RAD51D: variants seen among roughly 807,000 people sequenced by gnomAD.
RAD51D encodes the protein DNA repair protein RAD51 homolog 4.
Under a neutral mutation model 44.1 loss-of-function variants are expected in RAD51D, and 38 were observed. The ratio of observed to expected loss-of-function variants is 0.86; its 90% CI spans 0.67 to 1.13. The LOEUF (loss-of-function observed/expected upper bound fraction) is 1.13, where lower values mean the gene tolerates loss of function less well. Among genes scored for constraint, RAD51D ranks in the 50% most tolerant of loss-of-function variants. RAD51D has a pLI of 0.00. For missense variants in RAD51D, 390 were observed against 414.0 expected, an observed-to-expected ratio of 0.94 and a Z score of 0.50; for synonymous variants, 141 against 166.6, an observed-to-expected ratio of 0.85 and a Z score of 1.18.
rs1429318144 is a variant in RAD51D at position 35,100,755 on chromosome 17, C to T, written c.*198G>A. ...GCACCAGTATGAATTTCTGGGTCCT[C>T]GCAATGCAGCATCCTCTTTCGCCTG... On this transcript the variant is annotated 3_prime_UTR_variant, in exon 10 of 10. Transcript: ENST00000345365. 5.8e-6 allele frequency: 4 copies of T among 688,420 alleles called. No homozygotes were observed. Among genetic ancestry groups the T allele is most frequent in the Non-Finnish European group, 5.3e-6 (2 of 376,786 alleles). 42.6% of individuals were successfully genotyped at this position (688,420 alleles called of 1,614,324 possible).
chr17:35,107,482 G>A (rs1372233559), intron 3 of RAD51D, 35 bp from the exon 4 acceptor site: 1 of 1,471,584 alleles, frequency 6.8e-7, no homozygotes, highest in East Asian at 2.3e-5. Flanking sequence ...AACACAAGAG[G>A]TTAGGAGGAA....
chr17:35,096,140 T>C lies in RAD51D; in HGVS notation c.*4813A>G, dbSNP rs1356139881. 6.6e-6 allele frequency: 1 copy of C among 152,220 alleles called. No individual in the cohort carries two copies. The highest frequency in any genetic ancestry group is 1.5e-5 in the Non-Finnish European group (1 of 68,046). The allele number at this position is 152,220 out of a possible 1,614,324, so 9.4% of individuals were successfully genotyped here. A position where few individuals can be genotyped will look rare whatever the true frequency, so the allele number is the denominator to read the frequency against. On this transcript the variant is annotated 3_prime_UTR_variant, in exon 10 of 10. Coordinates refer to ENST00000345365, the MANE Select transcript of RAD51D (RefSeq NM_002878.4). ...TCTAGAATTGCAAATAAAAGTCAAT[T>C]ACAATCTGCAAAACTATATTTGCTT... is the stretch of plus-strand genomic sequence containing the variant.
intron 1 of RAD51D, 28 bp downstream of exon 1, chr17:35,119,504 G>C: frequency 1.2e-6 from 2 of 1,607,710 alleles, no homozygotes; most frequent in Non-Finnish European, 1.7e-6. Context: ...GGCCCGCGCG[G>C]CTCCCTGGCA....
chr17:35,108,088 C>T (rs139801422), intron 3 of RAD51D, among the ~76,000 whole-genome samples: 9 of 151,418 alleles, frequency 5.9e-5, no homozygotes, highest in East Asian at 5.9e-4. Flanking sequence ...CAAAATTTGT[C>T]GCTTTTTTTA....
At chr17:35,118,915 G>T (rs969019221) in intron 2 of RAD51D, among the ~76,000 whole-genome samples, 196 bp downstream of exon 2, 12 of 152,192 alleles carry the variant, frequency 7.9e-5, no homozygotes, top group Non-Finnish European at 1.6e-4. Context: ...GCTAATTTTT[G>T]TATTTTTAGT....
intron 3 of RAD51D, among the ~76,000 whole-genome samples, chr17:35,112,462 G>C (rs1278091756): frequency 6.6e-6 from 1 of 151,556 alleles, no homozygotes; most frequent in Non-Finnish European, 1.5e-5. Context: ...ACTGTAACCT[G>C]CATCTCCCAG....
chr17:35,115,762 C>T (rs1027901725), intron 3 of RAD51D, among the ~76,000 whole-genome samples: 4 of 151,646 alleles, frequency 2.6e-5, no homozygotes, highest in African/African-American at 7.3e-5. Context: ...CCCAGCTACT[C>T]GGGAGGCTGA....
At position 35,098,585 on chromosome 17, in the gene RAD51D, T is replaced by C. The variant is rs2091503355; in HGVS notation, c.*2368A>G. The C allele has an allele frequency of 6.6e-6, 1 of 152,142 alleles. No individual in the cohort carries two copies. Among genetic ancestry groups the C allele is most frequent in the Non-Finnish European group, 1.5e-5 (1 of 68,074 alleles). 9.4% of individuals were successfully genotyped at this position (152,142 alleles called of 1,614,324 possible). On this transcript the variant is annotated 3_prime_UTR_variant, in exon 10 of 10. Coordinates refer to ENST00000345365, the MANE Select transcript of RAD51D (RefSeq NM_002878.4). ...CATGCCTGGCTAATTTTTGTATTTT[T>C]AGTACAGACGGGGTTTCACCATGTT...
chr17:35,101,698 C>G (rs2091540815), intron 8 of RAD51D, among the ~76,000 whole-genome samples: 1 of 152,176 alleles, frequency 6.6e-6, no homozygotes, highest in Non-Finnish European at 1.5e-5. Context: ...TGTGGGCCAC[C>G]ACGCCCAGAC....
intron 3 of RAD51D, among the ~76,000 whole-genome samples, chr17:35,111,624 T>C (rs1429921769): frequency 1.3e-5 from 2 of 152,200 alleles, no homozygotes; most frequent in African/African-American, 2.4e-5. Flanking sequence ...TTATCTATTC[T>C]GTTCCACTGA....
Position 35,106,507 on chromosome 17 carries a change from G to A in RAD51D, c.481-26C>T, listed in dbSNP as rs1185393926. ...CTGAAGCGGTGGAAAAGAAAAGCAA[G>A]GACTTTGGATAAGAGGGAGTAGGGG... On this transcript the variant is annotated intron_variant, in intron 5 of 9. Coordinates refer to ENST00000345365, the MANE Select transcript of RAD51D (RefSeq NM_002878.4). 2.5e-6 allele frequency: 4 copies of A among 1,578,280 alleles called. No individual in the cohort carries two copies. Among genetic ancestry groups the A allele is most frequent in the Non-Finnish European group, 3.5e-6 (4 of 1,151,736 alleles).
rs552256054 is a variant in RAD51D at position 35,117,969 on chromosome 17, T to C, written c.263+532A>G. On this transcript the variant is annotated intron_variant, in intron 3 of 9. Transcript: ENST00000345365. The stretch of plus-strand genomic sequence containing the variant: ...CTAACTGGTAGAGTCACTGAAGAGA[T>C]TACCTAGAACATACAGGTAATGCCT... 3.0e-4 allele frequency among the ~76,000 whole-genome samples: 46 copies of C among 152,300 alleles called. No individual in the cohort carries two copies. In the South Asian group the frequency reaches 9.3e-3, roughly 31 times the overall value.
Position 35,100,832 on chromosome 17 carries a change from T to C in RAD51D, c.*121A>G, listed in dbSNP as rs764800957. 4 of 838,904 alleles carry C rather than the reference T, an allele frequency of 4.8e-6. No individual in the cohort carries two copies. In the Admixed American group the frequency reaches 5.7e-5, roughly 12 times the overall value. 52.0% of individuals were successfully genotyped at this position (838,904 alleles called of 1,614,324 possible). ...GCCAAGGAACCCAAGATGTCTCTTC[T>C]GGCCAGCCTGAGAACGTCTGTAGTC... On this transcript the variant is annotated 3_prime_UTR_variant, in exon 10 of 10. Transcript: ENST00000345365.
In RAD51D at chr17:35,100,015, T is replaced by C. The variant is rs1190794107; in HGVS notation, c.*938A>G. ...TCTGCATAAAGGACTAGATTTGCCA[T>C]GTATTATTTACGTCAGCATCAATTT... is the stretch of plus-strand genomic sequence containing the variant. On this transcript the variant is annotated 3_prime_UTR_variant, in exon 10 of 10. Coordinates refer to ENST00000345365, the MANE Select transcript of RAD51D (RefSeq NM_002878.4). 3 of 530,484 alleles carry C rather than the reference T, an allele frequency of 5.7e-6. No individual in the cohort carries two copies. The highest frequency in any genetic ancestry group is 2.2e-5 in the Admixed American group (1 of 44,906). 32.9% of individuals were successfully genotyped at this position (530,484 alleles called of 1,614,324 possible).
At chr17:35,105,778 C>T in intron 6 of RAD51D, among the ~76,000 whole-genome samples, 1 of 152,124 alleles carries the variant, frequency 6.6e-6, no homozygotes, top group East Asian at 1.9e-4. Flanking sequence ...AAGATACACA[C>T]ATAACCCCAT....
Position 35,092,566 on chromosome 17 carries a change from T to C in RAD51D, c.*8387A>G, listed in dbSNP as rs571939242. On this transcript the variant is annotated 3_prime_UTR_variant, in exon 10 of 10. Coordinates refer to ENST00000345365, the MANE Select transcript of RAD51D (RefSeq NM_002878.4). The stretch of plus-strand genomic sequence containing the variant: ...CCAGTAGGACAGAGACATTACCTTG[T>C]CCAAGTAACTCGGCCAGAAAGGGAC... The C allele has an allele frequency of 3.2e-4, 49 of 152,354 alleles. No homozygotes were observed. The East Asian group carries it at 6.7e-3, about 21-fold the overall frequency. The allele number at this position is 152,354 out of a possible 1,614,324, so 9.4% of individuals were successfully genotyped here. A position where few individuals can be genotyped will look rare whatever the true frequency, so the allele number is the denominator to read the frequency against.
intron 6 of RAD51D, among the ~76,000 whole-genome samples, chr17:35,105,511 C>T (rs891746709): frequency 2.0e-5 from 3 of 152,132 alleles, no homozygotes; most frequent in African/African-American, 2.4e-5. Context: ...TATATATAGT[C>T]GTGGGGATGC....
Position 35,103,640 on chromosome 17 carries a change from GC to G in RAD51D, c.577-97del, listed in dbSNP as rs1031650103. 8 of 900,408 alleles carry G rather than the reference GC, an allele frequency of 8.9e-6. No homozygotes were observed. Among genetic ancestry groups the G allele is most frequent in the East Asian group, 5.2e-5 (2 of 38,356 alleles). The allele number at this position is 900,408 out of a possible 1,614,324, so 55.8% of individuals were successfully genotyped here. Reference sequence around the variant, plus strand: ...TTCTATCTAAAACTAGTAAGAAATAGCCCCCCCATCCCAAATACAGCAAGCT... The same window carrying G: ...TTCTATCTAAAACTAGTAAGAAATAGCCCCCCATCCCAAATACAGCAAGCT... On this transcript the variant is annotated intron_variant, in intron 6 of 9. Coordinates refer to ENST00000345365, the MANE Select transcript of RAD51D (RefSeq NM_002878.4). This position sits in a 1 kb window ranked among gnomAD's most constrained non-coding sequence, Gnocchi z 4.1.
Position 35,094,270 on chromosome 17 carries a change from T to G in RAD51D, c.*6683A>C, listed in dbSNP as rs961641870. On this transcript the variant is annotated 3_prime_UTR_variant, in exon 10 of 10. Coordinates refer to ENST00000345365, the MANE Select transcript of RAD51D (RefSeq NM_002878.4). ...GCACCCGCCACCACGCCCGGCTAAT[T>G]TTTGTATTTTTAGTAGAAATGGGGT... 4 of 152,076 alleles carry G rather than the reference T, an allele frequency of 2.6e-5. No homozygotes were observed. Among genetic ancestry groups the G allele is most frequent in the African/African-American group, 7.2e-5 (3 of 41,412 alleles). The allele number at this position is 152,076 out of a possible 1,614,324, so 9.4% of individuals were successfully genotyped here. A position where few individuals can be genotyped will look rare whatever the true frequency, so the allele number is the denominator to read the frequency against.
Sources: allele counts gnomAD v4.1 joint callset (sites outside exome capture counted in the v4.1 genomes callset), GRCh38; gene constraint gnomAD v4.1.1; non-coding constraint Gnocchi (gnomAD v3.1); transcripts MANE v1.5; gene names NCBI Gene and HGNC (gene_info 2026-07-23, HGNC 2026-07-21).